Variants in CPT1B observed in about 807,000 individuals in gnomAD.
CPT1B encodes carnitine O-palmitoyltransferase 1, muscle isoform.
CPT1B carries 57 observed loss-of-function variants against 92.7 expected under a neutral mutation model. The observed-to-expected ratio is 0.62, with a 90% CI of 0.50 to 0.77. CPT1B has a LOEUF of 0.77. CPT1B is among the 30% of genes least tolerant of loss of function. The pLI, the probability that CPT1B is intolerant of heterozygous loss-of-function variation, is 0.00. For missense variants in CPT1B, 983 were observed against 1,017.4 expected (o/e 0.97, Z 0.46); for synonymous variants, 398 against 383.5 (o/e 1.04, Z -0.44).
Position 50,570,309 on chromosome 22 carries a change from C to T in CPT1B, c.2126G>A (p.Gly709Glu), listed in dbSNP as rs753676603. The change falls in exon 17 of 20, where the codon GGA becomes GAA. Residue 709 changes from glycine to glutamate, a missense_variant. Transcript: ENST00000312108. ...PEQHPNHLGA[G>E]GGFGPVADDG... ...AGCACTCACAGGGCCAAAGCCACCT[C>T]CAGCGCCCAGGTGATTGGGGTGCTG... 1.3e-6 allele frequency: 2 copies of T among 1,585,834 alleles called. No individual in the cohort carries two copies. Among genetic ancestry groups the T allele is most frequent in the Non-Finnish European group, 1.7e-6 (2 of 1,162,988 alleles).
In CPT1B at chr22:50,577,433, T is replaced by TGCCAG. The variant is rs1491439940; in HGVS notation, c.167_171dup (p.Ser58LeufsTer63). The TGCCAG allele has an allele frequency of 6.2e-7, 1 of 1,613,844 alleles. No individual in the cohort carries two copies. On this transcript the variant is annotated frameshift_variant, in exon 3 of 20. Coordinates refer to ENST00000312108, the MANE Select transcript of CPT1B (RefSeq NM_152246.3). LOFTEE classifies it high-confidence loss of function. The stretch of plus-strand genomic sequence containing the variant: ...ATGACGACCAGCCAGCTGGTGGGGC[T>TGCCAG]GCCAGGGTACACGCCCCTGAGGATG...
rs1464859896 is a variant in CPT1B at position 50,577,888 on chromosome 22, A to G, written c.28T>C (p.Phe10Leu). Residue 10 changes from phenylalanine (F) to leucine (L), a missense_variant, in exon 2 of 20, where the codon TTC (phenylalanine) becomes CTC (leucine). Physicochemically the swap from Phe to Leu is conservative, Grantham distance 22. Transcript: ENST00000312108. MAEAHQAVAFQFTVTPDGVD... is the reference protein window; with the variant it reads MAEAHQAVALQFTVTPDGVD... ...CCGTCTGGGGTCACCGTGAACTGGA[A>G]GGCCACGGCCTGGTGAGCTTCCGCC... is the stretch of plus-strand genomic sequence containing the variant. The G allele has an allele frequency of 6.2e-7, 1 of 1,612,882 alleles. No individual in the cohort carries two copies. Among genetic ancestry groups the G allele is most frequent in the East Asian group, 2.2e-5 (1 of 44,878 alleles).
intron 16 of CPT1B, 68 bp downstream of exon 16, chr22:50,570,823 T>G: frequency 9.8e-5 from 153 of 1,560,742 alleles, no homozygotes; most frequent in Non-Finnish European, 1.2e-4. Context: ...TGCTCCATCA[T>G]GAGATGGCCC....
chr22:50,570,754 G>T, intron 16 of CPT1B, 137 bp downstream of exon 16: 1 of 1,176,202 alleles, frequency 8.5e-7, no homozygotes. Flanking sequence ...GGGTGTGGGC[G>T]GGAAAGCTGG....
In CPT1B at chr22:50,576,323, C is replaced by A. The variant is rs967399238; in HGVS notation, c.574G>T (p.Val192Leu). Residue 192 changes from valine to leucine, a missense_variant, in exon 6 of 20, where the codon GTG becomes TTG. Physicochemically the swap from Val to Leu is conservative, Grantham distance 32. Coordinates refer to ENST00000312108, the MANE Select transcript of CPT1B (RefSeq NM_152246.3). ...TCCTCATCATCCAACAAGGGGCGCACAGACTCTAGGTACTGTCCAGCCAGT... is the reference window on the plus strand; with the variant it reads ...TCCTCATCATCCAACAAGGGGCGCAAAGACTCTAGGTACTGTCCAGCCAGT... ...SATIQRYLES[V>L]RPLLDDEEYY... The A allele has an allele frequency of 6.2e-7, 1 of 1,614,076 alleles. No homozygotes were observed. The highest frequency in any genetic ancestry group is 8.5e-7 in the Non-Finnish European group (1 of 1,180,018).
intron 17 of CPT1B, 125 bp downstream of exon 17, chr22:50,570,168 G>A: frequency 1.5e-6 from 1 of 687,762 alleles, no homozygotes; most frequent in Non-Finnish European, 2.4e-6. Flanking sequence ...TTCCATGCAG[G>A]TCTGGGGTTA....
chr22:50,570,834 A>C, intron 16 of CPT1B, 57 bp downstream of exon 16: 4 of 1,585,726 alleles, frequency 2.5e-6, no homozygotes, highest in Non-Finnish European at 2.6e-6. Flanking sequence ...GAGATGGCCC[A>C]AGCCCTGCGT....
chr22:50,574,050 T>C lies in CPT1B; in HGVS notation c.970+285A>G, dbSNP rs560425004. The C allele has an allele frequency of 1.0e-5, 7 of 678,444 alleles. No individual in the cohort carries two copies. In the African/African-American group the frequency reaches 1.2e-4, roughly 12 times the overall value. 42.0% of individuals were successfully genotyped at this position (678,444 alleles called of 1,614,324 possible). The stretch of plus-strand genomic sequence containing the variant: ...CCCTGGGTGCGCCCCTCCCCTCCTC[T>C]GCCGGCTCCATGGCAGCGCCGGGTC... On this transcript the variant is annotated intron_variant, in intron 9 of 19. Transcript: ENST00000312108.
intron 4 of CPT1B, 26 bp downstream of exon 4, chr22:50,576,831 G>C: frequency 1.2e-6 from 2 of 1,613,374 alleles, no homozygotes; most frequent in Non-Finnish European, 1.7e-6. Flanking sequence ...CCAGGTGCCT[G>C]AACCCCTCCA....
In CPT1B at chr22:50,571,171, T is replaced by C; in HGVS notation, c.1862A>G (p.Glu621Gly). 6.2e-7 allele frequency: 1 copy of C among 1,614,074 alleles called. No homozygotes were observed. Among genetic ancestry groups the C allele is most frequent in the Non-Finnish European group, 8.5e-7 (1 of 1,179,986 alleles). Residue 621 changes from glutamate (E) to glycine (G), a missense_variant, in exon 15 of 20, where the codon GAG (glutamate) becomes GGG (glycine). Physicochemically the swap from Glu to Gly is moderately conservative, Grantham distance 98. Coordinates refer to ENST00000312108, the MANE Select transcript of CPT1B (RefSeq NM_152246.3). ...GAGGACACTTACTGTGTGGGACCCC[T>C]CCATCATGGCCTGCACAAAGGCTGT... ...ESTAFVQAMMEGSHTKADLRD... is the reference protein window; with the variant it reads ...ESTAFVQAMMGGSHTKADLRD...
chr22:50,569,676 CA>C lies in CPT1B; in HGVS notation c.2143-9del. On this transcript the variant is annotated splice_polypyrimidine_tract_variant and intron_variant, in intron 17 of 19. Coordinates refer to ENST00000312108, the MANE Select transcript of CPT1B (RefSeq NM_152246.3). ...ATAGCCATCATCTGCTACCTGAGGG[CA>C]ACAAGAAGGGTGAAGAAGGCATAAA... is the stretch of plus-strand genomic sequence containing the variant. 2 of 1,610,112 alleles carry C rather than the reference CA, an allele frequency of 1.2e-6. No homozygotes were observed. The highest frequency in any genetic ancestry group is 2.2e-5 in the South Asian group (2 of 91,022).
Position 50,569,657 on chromosome 22 carries a change from A to G in CPT1B, c.2154T>C (p.Asp718=). ...CAATCATGTAGGAAACTCCATAGCC[A>G]TCATCTGCTACCTGAGGGCAACAAG... ...AGGGFGPVAD[D]GYGVSYMIAG... is the part of the protein sequence containing the mutation. The change falls in exon 18 of 20, where the codon GAT becomes GAC. Residue 718 remains aspartate, a synonymous_variant. Coordinates refer to ENST00000312108, the MANE Select transcript of CPT1B (RefSeq NM_152246.3). The G allele has an allele frequency of 6.2e-7, 1 of 1,613,858 alleles. No individual in the cohort carries two copies. Among genetic ancestry groups the G allele is most frequent in the Non-Finnish European group, 8.5e-7 (1 of 1,179,854 alleles).
chr22:50,574,129 C>T (rs761861162), intron 9 of CPT1B, among the ~76,000 whole-genome samples: 8 of 152,338 alleles, frequency 5.3e-5, no homozygotes, highest in Non-Finnish European at 7.4e-5. Context: ...CAGTGAGCCC[C>T]GGAGGGGAGG....
chr22:50,577,005 CGGGTCTGCG>C lies in CPT1B; in HGVS notation c.302_310del (p.Pro101_Thr103del). 2 of 1,613,990 alleles carry C rather than the reference CGGGTCTGCG, an allele frequency of 1.2e-6. No homozygotes were observed. The highest frequency in any genetic ancestry group is 1.7e-6 in the Non-Finnish European group (2 of 1,180,020). On this transcript the variant is annotated inframe_deletion, in exon 4 of 20. Coordinates refer to ENST00000312108, the MANE Select transcript of CPT1B (RefSeq NM_152246.3). ...GAAGATGGCCATGCTGAGAAGTGCC[CGGGTCTGCG>C]GGGTCTGGTAGGGGCCACACCTATT... is the stretch of plus-strand genomic sequence containing the variant.
chr22:50,577,937 A>G lies in CPT1B; in HGVS notation c.-19-3T>C. On this transcript the variant is annotated splice_region_variant and splice_polypyrimidine_tract_variant and intron_variant, in intron 1 of 19. Coordinates refer to ENST00000312108, the MANE Select transcript of CPT1B (RefSeq NM_152246.3). ...CCATCCTGGGGGTTGGTCGGCACCT[A>G]GGACGGGGGCAGATGGGTGCGCGGG... 2 of 1,600,964 alleles carry G rather than the reference A, an allele frequency of 1.2e-6. No individual in the cohort carries two copies. The highest frequency in any genetic ancestry group is 1.7e-6 in the Non-Finnish European group (2 of 1,172,042).
In CPT1B at chr22:50,570,914, C is replaced by T. The variant is rs376060651; in HGVS notation, c.2005G>A (p.Val669Ile). 4.3e-6 allele frequency: 7 copies of T among 1,613,748 alleles called. No individual in the cohort carries two copies. In the East Asian group the frequency reaches 1.1e-4, roughly 26 times the overall value. ...CLYLVSKYLG[V>I]SSPFLAEVLS... ...ACCTCAGCAAGGAAAGGAGAGCTGACTCCTAGGTACTTGGAGACCAAGTAA... is the reference window on the plus strand; with the variant it reads ...ACCTCAGCAAGGAAAGGAGAGCTGATTCCTAGGTACTTGGAGACCAAGTAA... Residue 669 changes from valine to isoleucine, a missense_variant, in exon 16 of 20, where the codon GTC (valine) becomes ATC (isoleucine). Val to Ile is a conservative substitution (Grantham distance 29). Transcript: ENST00000312108.
At position 50,574,395 on chromosome 22, in the gene CPT1B, T is replaced by C. The variant is rs772871281; in HGVS notation, c.910A>G (p.Met304Val). The C allele has an allele frequency of 2.5e-6, 4 of 1,613,930 alleles. No homozygotes were observed. The highest frequency in any genetic ancestry group is 1.7e-5 in the Admixed American group (1 of 59,992). Residue 304 changes from methionine to valine, a missense_variant, in exon 9 of 20, where the codon ATG (methionine) becomes GTG (valine). By Grantham distance (21) the Met-to-Val change is conservative. Transcript: ENST00000312108. Reference sequence around the variant, plus strand: ...ATCCTCTCCATCTGGTAGGAGCACATAGGCACTATGCCCAGTGCCATCACC... The same window carrying C: ...ATCCTCTCCATCTGGTAGGAGCACACAGGCACTATGCCCAGTGCCATCACC... ...KPVMALGIVP[M>V]CSYQMERMFN...
At chr22:50,569,446 C>T (rs1489834647) in intron 18 of CPT1B, 25 bp from the exon 19 acceptor site, 2 of 1,613,308 alleles carry the variant, frequency 1.2e-6, no homozygotes, top group Non-Finnish European at 1.7e-6. Flanking sequence ...AGTTCAGATG[C>T]ACCTTCAGAT....
rs772701834 is a variant in CPT1B at position 50,571,477 on chromosome 22, C to A, written c.1638G>T (p.Leu546Phe). The A allele has an allele frequency of 8.1e-6, 13 of 1,613,622 alleles. No individual in the cohort carries two copies. The highest frequency in any genetic ancestry group is 1.3e-5 in the African/African-American group (1 of 74,948). Residue 546 changes from leucine (L) to phenylalanine (F), a missense_variant, in exon 14 of 20, where the codon TTG (leucine) becomes TTT (phenylalanine). Coordinates refer to ENST00000312108, the MANE Select transcript of CPT1B (RefSeq NM_152246.3). The part of the protein sequence containing the change: ...VAKALADDVE[L>F]YCFQFLPFGK... ...CAAAGGGCAGGAACTGGAAGCAGTA[C>A]AACTCCACGTCGTCTGCCAACGCCT...
Sources: allele counts gnomAD v4.1 joint callset (sites outside exome capture counted in the v4.1 genomes callset), GRCh38; gene constraint gnomAD v4.1.1; transcripts MANE v1.5; gene names NCBI Gene and HGNC (gene_info 2026-07-23, HGNC 2026-07-21).